CFAP299: variants seen among roughly 807,000 people sequenced by gnomAD.
The protein encoded by CFAP299 is cilia- and flagella-associated protein 299.
In CFAP299, 21 loss-of-function variants were observed where a neutral mutation model predicts 27.0. The observed-to-expected ratio is 0.78, with a 90% CI of 0.55 to 1.12. CFAP299 has a LOEUF of 1.12. Among genes scored for constraint, CFAP299 ranks in the 50% most tolerant of loss-of-function variants. The pLI is 0.00. For synonymous variants in CFAP299, 104 were observed against 98.1 expected (o/e 1.06, Z -0.36); for missense variants, 310 against 276.6 (o/e 1.12, Z -0.86).
At chr4:80,359,716 C>T (rs1723448310) in intron 1 of CFAP299, among the ~76,000 whole-genome samples, 1 of 152,168 alleles carries the variant, frequency 6.6e-6, no homozygotes, top group African/African-American at 2.4e-5. Flanking sequence ...TCTGTCAGCA[C>T]CTGCATTGTT....
chr4:80,726,618 T>C lies in CFAP299; in HGVS notation c.334-143375T>C, dbSNP rs578057187. Among the ~76,000 whole-genome samples, 9 of 152,336 alleles carry C rather than the reference T, an allele frequency of 5.9e-5. No homozygotes were observed. In the South Asian group the frequency reaches 1.9e-3, roughly 32 times the overall value. On this transcript the variant is annotated intron_variant, in intron 3 of 5. Transcript: ENST00000358105. ...ACTTCACTGGTGCTGAAATGTGTTA[T>C]GAGCTATCTGTCTTTGTAATGCTTT...
At chr4:80,917,344 T>C (rs1478864734) in intron 4 of CFAP299, among the ~76,000 whole-genome samples, 1 of 152,192 alleles carries the variant, frequency 6.6e-6, no homozygotes, top group African/African-American at 2.4e-5. Flanking sequence ...TTTACAAATG[T>C]ATTACTATTC....
intron 2 of CFAP299, among the ~76,000 whole-genome samples, chr4:80,464,248 G>A (rs7693928): frequency 0.4 from 61,452 of 151,936 alleles, 14,325 homozygotes; most frequent in African/African-American, 0.64. Flanking sequence ...TACTTACATT[G>A]CTAGGACTGA....
chr4:80,587,324 T>C (rs1249431084), intron 3 of CFAP299, among the ~76,000 whole-genome samples: 1 of 152,132 alleles, frequency 6.6e-6, no homozygotes, highest in Non-Finnish European at 1.5e-5. Flanking sequence ...GCTGGATAGA[T>C]CTTTAATTTC....
At chr4:80,859,988 T>C (rs1389339476) in intron 3 of CFAP299, among the ~76,000 whole-genome samples, 1 of 152,230 alleles carries the variant, frequency 6.6e-6, no homozygotes, top group Non-Finnish European at 1.5e-5. Flanking sequence ...TTCTCCTGGA[T>C]AATATCCTGC....
intron 4 of CFAP299, among the ~76,000 whole-genome samples, chr4:80,928,474 G>T (rs576259732): frequency 1.2e-4 from 18 of 152,190 alleles, no homozygotes; most frequent in South Asian, 2.1e-4. Flanking sequence ...TGAAGGAAAA[G>T]TATGGTGATT....
chr4:80,675,756 C>T (rs1442154086), intron 3 of CFAP299, among the ~76,000 whole-genome samples: 1 of 152,204 alleles, frequency 6.6e-6, no homozygotes, highest in Non-Finnish European at 1.5e-5. Flanking sequence ...GCAGACACCC[C>T]TCACACTGCC....
At chr4:80,928,259 G>A (rs995761939) in intron 4 of CFAP299, among the ~76,000 whole-genome samples, 1 of 152,102 alleles carries the variant, frequency 6.6e-6, no homozygotes, top group Admixed American at 6.6e-5. Flanking sequence ...CACAGCCACA[G>A]TGTCTGAGCC....
At position 80,504,462 on chromosome 4, in the gene CFAP299, C is replaced by CATATATATATATAT. The variant is rs56729877; in HGVS notation, c.243-78600_243-78587dup. Among the ~76,000 whole-genome samples the CATATATATATATAT allele has an allele frequency of 1.6e-3, 61 of 37,772 alleles. 1 individual carries two copies. The highest frequency in any genetic ancestry group is 2.0e-3 in the Non-Finnish European group (41 of 20,032). 24.8% of individuals were successfully genotyped at this position (37,772 alleles called of 152,430 possible). On this transcript the variant is annotated intron_variant, in intron 2 of 5. Transcript: ENST00000358105. ...TACTGAAATTTTGCTTAAAATCTCACATATATATATATATATATATATATA... is the reference window on the plus strand; with the variant it reads ...TACTGAAATTTTGCTTAAAATCTCACATATATATATATATATATATATATATATATATATATATA...
chr4:80,787,983 C>G (rs1441172693), intron 3 of CFAP299, among the ~76,000 whole-genome samples: 3 of 151,942 alleles, frequency 2.0e-5, no homozygotes, highest in African/African-American at 4.8e-5. Context: ...TCTCAAACTT[C>G]AGTGTGCACC....
intron 4 of CFAP299, among the ~76,000 whole-genome samples, chr4:80,931,463 C>G (rs1240481950): frequency 6.6e-6 from 1 of 152,064 alleles, no homozygotes; most frequent in Non-Finnish European, 1.5e-5. Context: ...TGAACGATGT[C>G]AAGTATTTAG....
chr4:80,628,582 T>A (rs1012075225), intron 3 of CFAP299, among the ~76,000 whole-genome samples: 1 of 152,146 alleles, frequency 6.6e-6, no homozygotes, highest in African/African-American at 2.4e-5. Context: ...AAACTGTATA[T>A]CTGTTATGGG....
chr4:80,471,262 A>G (rs1036391878), intron 2 of CFAP299, among the ~76,000 whole-genome samples: 1 of 152,110 alleles, frequency 6.6e-6, no homozygotes, highest in Non-Finnish European at 1.5e-5. Context: ...ATGTATCAGA[A>G]AATGAAATTA....
chr4:80,846,566 G>A (rs1471330255), intron 3 of CFAP299, among the ~76,000 whole-genome samples: 1 of 152,124 alleles, frequency 6.6e-6, no homozygotes, highest in African/African-American at 2.4e-5. Flanking sequence ...CAATTATAAT[G>A]AGAACTATAA....
intron 3 of CFAP299, among the ~76,000 whole-genome samples, chr4:80,855,357 T>C (rs1479344064): frequency 1.3e-5 from 2 of 152,044 alleles, no homozygotes; most frequent in African/African-American, 4.8e-5. Flanking sequence ...TTATTTCTCC[T>C]TTATAAATCA....
At chr4:80,446,513 C>T (rs1342700376) in intron 2 of CFAP299, among the ~76,000 whole-genome samples, 1 of 152,188 alleles carries the variant, frequency 6.6e-6, no homozygotes, top group Non-Finnish European at 1.5e-5. Context: ...ATAATTCTAT[C>T]CTCTACTTAA....
chr4:80,890,357 A>C (rs1278409974), intron 4 of CFAP299, among the ~76,000 whole-genome samples: 1 of 152,192 alleles, frequency 6.6e-6, no homozygotes, highest in Non-Finnish European at 1.5e-5. Flanking sequence ...AAAAGAAATA[A>C]AAAAGTAATC....
chr4:80,371,272 C>T (rs1724137605), intron 2 of CFAP299, among the ~76,000 whole-genome samples: 1 of 152,190 alleles, frequency 6.6e-6, no homozygotes, highest in Admixed American at 6.5e-5. Flanking sequence ...TAAAATTGTT[C>T]AGTCCTCCTA....
intron 2 of CFAP299, among the ~76,000 whole-genome samples, chr4:80,518,063 G>A (rs1406639646): frequency 2.0e-5 from 3 of 152,084 alleles, no homozygotes; most frequent in Non-Finnish European, 4.4e-5. Context: ...ACAAGGTTGG[G>A]GGTATGGACA....
Sources: gnomAD v4.1 joint callset for allele counts (sites outside exome capture counted in the v4.1 genomes callset) on GRCh38, gnomAD v4.1.1 for gene constraint, MANE v1.5 for transcripts, NCBI Gene and HGNC (gene_info 2026-07-23, HGNC 2026-07-21) for gene names.